Variants in PUSL1 observed in about 807,000 individuals in gnomAD.
The protein encoded by PUSL1 is tRNA pseudouridine synthase-like 1.
A neutral mutation model predicts 30.7 loss-of-function variants in PUSL1; 51 were observed. The ratio of observed to expected loss-of-function variants is 1.66; its 90% confidence interval spans 1.33 to 2.10. The LOEUF (loss-of-function observed/expected upper bound fraction) is 2.10, where lower values mean the gene tolerates loss of function less well. PUSL1 is among the 30% of genes most tolerant of loss of function. The pLI, the probability that PUSL1 is intolerant of heterozygous loss-of-function variation, is 0.00. For missense variants in PUSL1, 609 were observed against 427.6 expected, an observed-to-expected ratio of 1.42 and a Z score of -3.74; for synonymous variants, 290 against 192.1, an observed-to-expected ratio of 1.51 and a Z score of -4.21.
chr1:1,309,464 GCCTT>G lies in PUSL1; in HGVS notation c.337_340del (p.Phe113GlufsTer124), dbSNP rs755072089. 6.2e-7 allele frequency: 1 copy of G among 1,602,716 alleles called. No individual in the cohort carries two copies. The highest frequency in any genetic ancestry group is 2.3e-5 in the East Asian group (1 of 44,378). On this transcript the variant is annotated frameshift_variant, in exon 4 of 8. Coordinates refer to ENST00000379031, the MANE Select transcript of PUSL1 (RefSeq NM_153339.3). LOFTEE classifies it high-confidence loss of function. ...TACCTGCCGCCATAGGGTCCTGCGG[GCCTT>G]CCGAGTGCCCAGCGACTTCCACGCT...
At chr1:1,308,756 G>C in intron 1 of PUSL1, 36 bp downstream of exon 1, 1 of 1,489,782 alleles carries the variant, frequency 6.7e-7, no homozygotes, top group Non-Finnish European at 9.0e-7. Context: ...GCGCCACGTG[G>C]GCCCGGGCGG....
chr1:1,311,112 G>C (rs367910343), intron 7 of PUSL1, 41 bp downstream of exon 7: 2 of 1,564,602 alleles, frequency 1.3e-6, no homozygotes, highest in Non-Finnish European at 1.7e-6. Flanking sequence ...CATGTGCCCA[G>C]TGACTACTGT....
At chr1:1,309,383 G>C in intron 3 of PUSL1, 71 bp from the exon 4 acceptor site, 2 of 1,502,542 alleles carry the variant, frequency 1.3e-6, no homozygotes, top group Admixed American at 4.0e-5. Context: ...AGCTCGAGGG[G>C]GAAGGAGAGC....
Position 1,308,954 on chromosome 1 carries a change from G to C in PUSL1, c.117G>C (p.Gly39=). The part of the protein sequence containing the change: ...AAVRGTQRAV[G]VQNYLEEAAE... The stretch of plus-strand genomic sequence containing the variant: ...TCAGGGGCACTCAGCGCGCCGTCGG[G>C]GTCCAGAACTACCTGGAGGTGCGCT... The change falls in exon 2 of 8, where the codon GGG becomes GGC. Residue 39 remains glycine (G), a synonymous_variant. Transcript: ENST00000379031. 6 of 1,421,670 alleles carry C rather than the reference G, an allele frequency of 4.2e-6. No individual in the cohort carries two copies. Among genetic ancestry groups the C allele is most frequent in the Non-Finnish European group, 5.5e-6 (6 of 1,091,714 alleles). The allele number at this position is 1,421,670 out of a possible 1,614,324, so 88.1% of individuals were successfully genotyped here.
chr1:1,309,208 G>C lies in PUSL1; in HGVS notation c.258G>C (p.Arg86=), dbSNP rs1438752500. ...AHLDVQRRSG[R]PPFPPEVLAE... ...TGGACGTCCAGCGCCGCTCAGGCCGGCCGCCCTTCCCGCCCGAGGTCCTGG... is the reference window on the plus strand; with the variant it reads ...TGGACGTCCAGCGCCGCTCAGGCCGCCCGCCCTTCCCGCCCGAGGTCCTGG... Residue 86 remains arginine, a synonymous_variant, in exon 3 of 8, where the codon CGG becomes CGC. Transcript: ENST00000379031. 2.6e-6 allele frequency: 4 copies of C among 1,528,246 alleles called. No homozygotes were observed. The highest frequency in any genetic ancestry group is 1.4e-5 in the African/African-American group (1 of 72,438). 94.7% of individuals were successfully genotyped at this position (1,528,246 alleles called of 1,614,324 possible).
Position 1,309,839 on chromosome 1 carries a change from CCGAGGAGAGCAGGT to C in PUSL1, c.633_644+2del. 3.3e-6 allele frequency: 5 copies of C among 1,524,414 alleles called. No homozygotes were observed. The highest frequency in any genetic ancestry group is 4.4e-6 in the Non-Finnish European group (5 of 1,130,180). The allele number at this position is 1,524,414 out of a possible 1,614,324, so 94.4% of individuals were successfully genotyped here. A position where few individuals can be genotyped will look rare whatever the true frequency, so the allele number is the denominator to read the frequency against. Reference sequence around the variant, plus strand: ...GGCCAAGCCAGCCCCTTGGTCACCCCCGAGGAGAGCAGGTGAGGAAGGGCCCCTGGGCTGTGGCC... The same window carrying C: ...GGCCAAGCCAGCCCCTTGGTCACCCCGAGGAAGGGCCCCTGGGCTGTGGCC... On this transcript the variant is annotated splice_donor_variant and coding_sequence_variant, in exon 5 of 8. Coordinates refer to ENST00000379031, the MANE Select transcript of PUSL1 (RefSeq NM_153339.3). LOFTEE classifies it high-confidence loss of function.
chr1:1,308,826 T>C, intron 1 of PUSL1, 89 bp from the exon 2 acceptor site: 1 of 1,442,800 alleles, frequency 6.9e-7, no homozygotes, highest in Non-Finnish European at 9.2e-7. Context: ...TTCCAAACGT[T>C]CGGGGAAGGA....
Position 1,308,931 on chromosome 1 carries a change from A to AG in PUSL1, c.98dup (p.Thr34HisfsTer109), listed in dbSNP as rs2100523249. On this transcript the variant is annotated frameshift_variant, in exon 2 of 8. Transcript: ENST00000379031. LOFTEE classifies it high-confidence loss of function. ...TGCCCGCAGCGGGGTCGCGGCCGTCAGGGGCACTCAGCGCGCCGTCGGGGT... is the reference window on the plus strand; with the variant it reads ...TGCCCGCAGCGGGGTCGCGGCCGTCAGGGGGCACTCAGCGCGCCGTCGGGGT... The AG allele has an allele frequency of 1.4e-6, 2 of 1,420,046 alleles. No individual in the cohort carries two copies. The highest frequency in any genetic ancestry group is 1.6e-5 in the South Asian group (1 of 63,696). 88.0% of individuals were successfully genotyped at this position (1,420,046 alleles called of 1,614,324 possible).
Position 1,308,952 on chromosome 1 carries a change from G to T in PUSL1, c.115G>T (p.Gly39Trp), listed in dbSNP as rs777930211. 26 of 1,421,234 alleles carry T rather than the reference G, an allele frequency of 1.8e-5. No individual in the cohort carries two copies. Among genetic ancestry groups the T allele is most frequent in the African/African-American group, 6.0e-5 (4 of 66,600 alleles). 88.0% of individuals were successfully genotyped at this position (1,421,234 alleles called of 1,614,324 possible). A position where few individuals can be genotyped will look rare whatever the true frequency, so the allele number is the denominator to read the frequency against. ...CGTCAGGGGCACTCAGCGCGCCGTC[G>T]GGGTCCAGAACTACCTGGAGGTGCG... is the stretch of plus-strand genomic sequence containing the variant. Reference protein sequence around the residue: ...AAVRGTQRAVGVQNYLEEAAE... With the variant: ...AAVRGTQRAVWVQNYLEEAAE... The change falls in exon 2 of 8, where the codon GGG becomes TGG. Residue 39 changes from glycine to tryptophan, a missense_variant. Transcript: ENST00000379031.
chr1:1,309,990 G>A (rs1642026873), intron 5 of PUSL1, 139 bp downstream of exon 5: 3 of 629,986 alleles, frequency 4.8e-6, no homozygotes, highest in South Asian at 2.3e-5. Flanking sequence ...AGCTGGAGGG[G>A]ATTCGCCCGG....
chr1:1,309,915 C>T (rs1413259210), intron 5 of PUSL1, 64 bp downstream of exon 5: 8 of 1,305,306 alleles, frequency 6.1e-6, no homozygotes, highest in Admixed American at 2.8e-5. Context: ...AGCTCCAGCA[C>T]CTCCCCCAGT....
chr1:1,309,108 C>T lies in PUSL1; in HGVS notation c.158C>T (p.Ser53Phe), dbSNP rs1396135883. 2.6e-6 allele frequency: 4 copies of T among 1,513,288 alleles called. No individual in the cohort carries two copies. Among genetic ancestry groups the T allele is most frequent in the South Asian group, 1.2e-5 (1 of 81,436 alleles). The allele number at this position is 1,513,288 out of a possible 1,614,324, so 93.7% of individuals were successfully genotyped here. The change falls in exon 3 of 8, where the codon TCC becomes TTC. Residue 53 changes from serine (S) to phenylalanine (F), a missense_variant. Transcript: ENST00000379031. Reference protein sequence around the residue: ...YLEEAAERLNSVEPVRFTISS... With the variant: ...YLEEAAERLNFVEPVRFTISS... Reference sequence around the variant, plus strand: ...CAGGAGGCCGCCGAGCGGCTGAATTCCGTGGAGCCGGTCAGGTTCACCATC... The same window carrying T: ...CAGGAGGCCGCCGAGCGGCTGAATTTCGTGGAGCCGGTCAGGTTCACCATC...
rs1641975277 is a variant in PUSL1, at chr1:1,309,543, G to A, written c.413G>A (p.Cys138Tyr). 1.2e-6 allele frequency: 2 copies of A among 1,611,252 alleles called. No homozygotes were observed. Among genetic ancestry groups the A allele is most frequent in the East Asian group, 4.5e-5 (2 of 44,840 alleles). ...RTYLYRLATG[C>Y]HRRDELPVFE... ...TACCTGTACCGCCTGGCCACTGGCTGTCACCGGCGTGATGAGCTGCCGGTG... is the reference window on the plus strand; with the variant it reads ...TACCTGTACCGCCTGGCCACTGGCTATCACCGGCGTGATGAGCTGCCGGTG... Residue 138 changes from cysteine (C) to tyrosine (Y), a missense_variant, in exon 4 of 8, where the codon TGT (cysteine) becomes TAT (tyrosine). Physicochemically the swap from Cys to Tyr is radical, Grantham distance 194 (BLOSUM62 -2). Transcript: ENST00000379031.
intron 5 of PUSL1, chr1:1,310,235 G>A (rs1642047516): frequency 2.9e-6 from 1 of 346,082 alleles, no homozygotes. Context: ...ATTGGGGTGA[G>A]CCCTGAAGGG....
chr1:1,309,781 G>T lies in PUSL1; in HGVS notation c.574G>T (p.Val192Leu), dbSNP rs1016738175. Reference protein sequence around the residue: ...QSAGSPVPSPVRTLRRVSVSP... With the variant: ...QSAGSPVPSPLRTLRRVSVSP... ...CGCTGGCAGCCCGGTGCCGAGCCCC[G>T]TGCGAACGCTGCGCCGGGTCTCCGT... The change falls in exon 5 of 8, where the codon GTG becomes TTG. Residue 192 changes from valine to leucine, a missense_variant. Coordinates refer to ENST00000379031, the MANE Select transcript of PUSL1 (RefSeq NM_153339.3). 5 of 1,565,272 alleles carry T rather than the reference G, an allele frequency of 3.2e-6. No individual in the cohort carries two copies. The highest frequency in any genetic ancestry group is 3.8e-5 in the Admixed American group (2 of 53,132).
Position 1,308,955 on chromosome 1 carries a change from G to A in PUSL1, c.118G>A (p.Val40Ile), listed in dbSNP as rs750267398. Residue 40 changes from valine (V) to isoleucine (I), a missense_variant, in exon 2 of 8, where the codon GTC (valine) becomes ATC (isoleucine). Physicochemically the swap from Val to Ile is conservative, Grantham distance 29. Transcript: ENST00000379031. ...AVRGTQRAVG[V>I]QNYLEEAAER... The stretch of plus-strand genomic sequence containing the variant: ...CAGGGGCACTCAGCGCGCCGTCGGG[G>A]TCCAGAACTACCTGGAGGTGCGCTC... 2.8e-6 allele frequency: 4 copies of A among 1,423,414 alleles called. No homozygotes were observed. In the African/African-American group the frequency reaches 4.5e-5, roughly 16 times the overall value. 88.2% of individuals were successfully genotyped at this position (1,423,414 alleles called of 1,614,324 possible).
In PUSL1 at chr1:1,311,053, G is replaced by C. The variant is rs1642112140; in HGVS notation, c.844G>C (p.Val282Leu). ...APAHGLFLKS[V>L]LYGNLGAASC... ...AGCCCACGGCTTATTCCTCAAGTCA[G>C]TGCTGTACGGGAACCTCGGTAAGAA... The change falls in exon 7 of 8, where the codon GTG becomes CTG. Residue 282 changes from valine (V) to leucine (L), a missense_variant. Transcript: ENST00000379031. The C allele has an allele frequency of 6.2e-7, 1 of 1,606,568 alleles. No individual in the cohort carries two copies. Among genetic ancestry groups the C allele is most frequent in the Non-Finnish European group, 8.5e-7 (1 of 1,174,976 alleles).
In PUSL1 at chr1:1,309,072, G is replaced by C; in HGVS notation, c.136-14G>C. On this transcript the variant is annotated splice_polypyrimidine_tract_variant and intron_variant, in intron 2 of 7. Transcript: ENST00000379031. ...GCCTCGCTCACCCGCCCGCCCCGCG[G>C]CTCGGTCCTGCAGGAGGCCGCCGAG... 7.0e-7 allele frequency: 1 copy of C among 1,423,876 alleles called. No homozygotes were observed. Among genetic ancestry groups the C allele is most frequent in the South Asian group, 1.5e-5 (1 of 67,482 alleles). 88.2% of individuals were successfully genotyped at this position (1,423,876 alleles called of 1,614,324 possible).
At position 1,309,228 on chromosome 1, in the gene PUSL1, T is replaced by TCCTGGCCGAGGC. The variant is rs780302427; in HGVS notation, c.282_293dup (p.Ala95_Leu98dup). ...GGCCGGCCGCCCTTCCCGCCCGAGG[T>TCCTGGCCGAGGC]CCTGGCCGAGGCCCTCAACACACAC... On this transcript the variant is annotated inframe_insertion, in exon 3 of 8. Transcript: ENST00000379031. 6.6e-7 allele frequency: 1 copy of TCCTGGCCGAGGC among 1,515,360 alleles called. No individual in the cohort carries two copies. The highest frequency in any genetic ancestry group is 8.8e-7 in the Non-Finnish European group (1 of 1,139,506). 93.9% of individuals were successfully genotyped at this position (1,515,360 alleles called of 1,614,324 possible). A position where few individuals can be genotyped will look rare whatever the true frequency, so the allele number is the denominator to read the frequency against.
Sources: allele counts gnomAD v4.1 joint callset, GRCh38; gene constraint gnomAD v4.1.1; transcripts MANE v1.5; gene names NCBI Gene and HGNC (gene_info 2026-07-23, HGNC 2026-07-21).